The following TRDN variants were observed in gnomAD, a reference collection of about 807,000 sequenced individuals.
The protein encoded by TRDN is triadin in skeletal muscle.
TRDN carries 161 observed loss-of-function variants against 149.7 expected under a neutral mutation model. The observed-to-expected ratio is 1.08, with a 90% CI of 0.95 to 1.23. The LOEUF (loss-of-function observed/expected upper bound fraction) is 1.23. Ranked by LOEUF, TRDN falls within the 50% of genes most tolerant of loss-of-function variation. TRDN has a pLI of 0.00. For synonymous variants in TRDN, 294 were observed against 250.5 expected (o/e 1.17, Z -1.64); for missense variants, 896 against 823.5 (o/e 1.09, Z -1.08).
chr6:123,599,214 C>G (rs1046997194), intron 1 of TRDN, among the ~76,000 whole-genome samples: 1 of 152,084 alleles, frequency 6.6e-6, no homozygotes, highest in African/African-American at 2.4e-5. Flanking sequence ...TACTTCAGCT[C>G]TATCCATTTA....
intron 23 of TRDN, among the ~76,000 whole-genome samples, chr6:123,317,999 A>T (rs569727284): frequency 2.6e-5 from 4 of 151,982 alleles, no homozygotes; most frequent in Non-Finnish European, 5.9e-5. Flanking sequence ...TATGTGTCCA[A>T]TGATAGCAAA....
chr6:123,491,315 C>A (rs1400631933), intron 9 of TRDN, among the ~76,000 whole-genome samples: 2 of 151,970 alleles, frequency 1.3e-5, no homozygotes, highest in African/African-American at 2.4e-5. Flanking sequence ...AAGATATATT[C>A]AAAATTTGAA....
At chr6:123,544,167 C>T (rs920594879) in intron 4 of TRDN, among the ~76,000 whole-genome samples, 1 of 151,434 alleles carries the variant, frequency 6.6e-6, no homozygotes, top group African/African-American at 2.4e-5. Flanking sequence ...TAGAATGAGA[C>T]AGCGTTCATC....
intron 1 of TRDN, among the ~76,000 whole-genome samples, chr6:123,590,041 C>G (rs950068477): frequency 1.3e-5 from 2 of 152,056 alleles, no homozygotes; most frequent in African/African-American, 4.8e-5. Flanking sequence ...GATAATTTAA[C>G]AATTACAATT....
At chr6:123,474,480 G>A (rs530668594) in intron 9 of TRDN, among the ~76,000 whole-genome samples, 21 of 152,144 alleles carry the variant, frequency 1.4e-4, no homozygotes, top group African/African-American at 5.1e-4. Flanking sequence ...AATAATGGGA[G>A]ACTTTAACAC....
chr6:123,512,647 T>C (rs1006596543), intron 6 of TRDN, among the ~76,000 whole-genome samples: 1 of 152,076 alleles, frequency 6.6e-6, no homozygotes, highest in African/African-American at 2.4e-5. Flanking sequence ...GAAGACAAAC[T>C]GAAAGGGAAA....
chr6:123,352,648 A>G, intron 20 of TRDN, 62 bp from the exon 21 acceptor site: 1 of 1,552,216 alleles, frequency 6.4e-7, no homozygotes, highest in Non-Finnish European at 8.6e-7. Flanking sequence ...TCTGCTCAAA[A>G]AAAGCATTTT....
intron 9 of TRDN, among the ~76,000 whole-genome samples, chr6:123,472,202 G>A (rs1192094461): frequency 1.3e-5 from 2 of 152,200 alleles, no homozygotes; most frequent in East Asian, 1.9e-4. Context: ...GCCAGACAGT[G>A]GGCGCAGGTC....
chr6:123,281,388 G>GATACAATACA (rs1777580373), intron 24 of TRDN, among the ~76,000 whole-genome samples: 1 of 152,022 alleles, frequency 6.6e-6, no homozygotes, highest in Non-Finnish European at 1.5e-5. Context: ...ATGCACCAGA[G>GATACAATACA]ATACAATACA....
In TRDN at chr6:123,343,277, AT is replaced by A. The variant is rs1780130814; in HGVS notation, c.1370-5609del. Reference sequence around the variant, plus strand: ...CATTTATTTTTTATAATAACTTCTGATTATCCATTCATTTAAGATATAATAC... The same window carrying A: ...CATTTATTTTTTATAATAACTTCTGATATCCATTCATTTAAGATATAATAC... On this transcript the variant is annotated intron_variant, in intron 21 of 40. Transcript: ENST00000334268. Among the ~76,000 whole-genome samples, 3 of 151,970 alleles carry A rather than the reference AT, an allele frequency of 2.0e-5. No individual in the cohort carries two copies. The South Asian group carries it at 6.2e-4, about 31-fold the overall frequency.
intron 5 of TRDN, among the ~76,000 whole-genome samples, chr6:123,518,607 CA>C (rs1185149279): frequency 6.6e-6 from 1 of 152,144 alleles, no homozygotes; most frequent in Non-Finnish European, 1.5e-5. Context: ...AGAATTAACA[CA>C]AAATCAAAAG....
In TRDN at chr6:123,314,572, A is replaced by G. The variant is rs75269299; in HGVS notation, c.1510+1885T>C. Reference sequence around the variant, plus strand: ...TGTTCATTGCAGCACTATCCACAATAGCAAAGACAAAGAATCAAGCCAAAT... The same window carrying G: ...TGTTCATTGCAGCACTATCCACAATGGCAAAGACAAAGAATCAAGCCAAAT... On this transcript the variant is annotated intron_variant, in intron 24 of 40. Transcript: ENST00000334268. Among the ~76,000 whole-genome samples the G allele has an allele frequency of 8.0e-3, 1,214 of 152,196 alleles. 3 individuals are homozygous for G. The highest frequency in any genetic ancestry group is 0.011 in the Non-Finnish European group (774 of 67,998).
intron 38 of TRDN, among the ~76,000 whole-genome samples, chr6:123,225,030 T>C (rs1403354325): frequency 6.6e-6 from 1 of 151,678 alleles, no homozygotes; most frequent in Non-Finnish European, 1.5e-5. Context: ...CTAAAATATA[T>C]AAGACATTGA....
intron 1 of TRDN, among the ~76,000 whole-genome samples, chr6:123,607,094 G>A (rs181453287): frequency 1.5e-4 from 23 of 152,292 alleles, no homozygotes; most frequent in African/African-American, 5.5e-4. Flanking sequence ...ACAGTCACAA[G>A]TGGTTCTCAA....
chr6:123,241,620 TAGAA>T (rs1282827741), intron 38 of TRDN, among the ~76,000 whole-genome samples: 1 of 151,628 alleles, frequency 6.6e-6, no homozygotes, highest in African/African-American at 2.4e-5. Flanking sequence ...AAAAGTAAGA[TAGAA>T]AGAAAGTTGT....
At chr6:123,598,283 T>A (rs1249830840) in intron 1 of TRDN, among the ~76,000 whole-genome samples, 6 of 152,094 alleles carry the variant, frequency 3.9e-5, no homozygotes, top group Admixed American at 3.9e-4. Context: ...GAATGTACCC[T>A]ATAGCAAAAT....
At chr6:123,288,764 T>G (rs987160651) in intron 24 of TRDN, among the ~76,000 whole-genome samples, 2 of 152,106 alleles carry the variant, frequency 1.3e-5, no homozygotes, top group Non-Finnish European at 2.9e-5. Context: ...GAATCCCTTG[T>G]ACACTGCTGG....
chr6:123,477,682 T>C (rs1232470013), intron 9 of TRDN, among the ~76,000 whole-genome samples: 4 of 151,980 alleles, frequency 2.6e-5, no homozygotes, highest in Admixed American at 1.3e-4. Flanking sequence ...AATGATAGAC[T>C]GGATTAAGAA....
At chr6:123,469,339 G>C (rs1376724872) in intron 9 of TRDN, among the ~76,000 whole-genome samples, 1 of 152,024 alleles carries the variant, frequency 6.6e-6, no homozygotes, top group Non-Finnish European at 1.5e-5. Context: ...TTGTACTTTT[G>C]GACCACTTAG....
Sources: allele counts gnomAD v4.1 joint callset (sites outside exome capture counted in the v4.1 genomes callset), GRCh38; gene constraint gnomAD v4.1.1; transcripts MANE v1.5; gene names NCBI Gene and HGNC (gene_info 2026-07-23, HGNC 2026-07-21).